The following MYO1D variants were observed in gnomAD, a reference collection of about 807,000 sequenced individuals.
MYO1D encodes the protein unconventional myosin-Id.
In MYO1D, 83 loss-of-function variants were observed where a neutral mutation model predicts 122.0. That is an observed-to-expected ratio of 0.68 (90% CI 0.57 to 0.82). MYO1D has a LOEUF of 0.82. MYO1D is among the 40% of genes least tolerant of loss of function. The pLI, the probability that MYO1D is intolerant of heterozygous loss-of-function variation, is 0.00. For synonymous variants in MYO1D, 464 were observed against 446.9 expected (o/e 1.04, Z -0.48); for missense variants, 1,157 against 1,269.5 (o/e 0.91, Z 1.35).
intron 1 of MYO1D, among the ~76,000 whole-genome samples, chr17:32,783,676 C>T (rs1435673658): frequency 1.3e-5 from 2 of 152,210 alleles, no homozygotes; most frequent in Non-Finnish European, 2.9e-5. Flanking sequence ...ACAAAACTTT[C>T]AATTTGGTTG....
intron 19 of MYO1D, among the ~76,000 whole-genome samples, chr17:32,647,300 C>A (rs541598987): frequency 6.6e-6 from 1 of 152,322 alleles, no homozygotes; most frequent in East Asian, 1.9e-4. Flanking sequence ...GAAATCCTAT[C>A]AAGTTTACGC....
chr17:32,655,288 G>C (rs1432262855), intron 17 of MYO1D, among the ~76,000 whole-genome samples: 2 of 152,168 alleles, frequency 1.3e-5, no homozygotes, highest in Admixed American at 1.3e-4. Context: ...TAGGCAGTGG[G>C]GGCACAGTAA....
rs1235298317 is a variant in MYO1D at position 32,532,618 on chromosome 17, C to T, written c.2865-37703G>A. Among the ~76,000 whole-genome samples the T allele has an allele frequency of 8.8e-5, 13 of 147,672 alleles. No individual in the cohort carries two copies. The South Asian group carries it at 8.8e-4, about 10-fold the overall frequency. On this transcript the variant is annotated intron_variant, in intron 21 of 21. Transcript: ENST00000318217. ...GGCGGCGCCTGTAGTCCCAGCTACT[C>T]GGGAGGCTGAGGCAGGAGAATGGCG... is the stretch of plus-strand genomic sequence containing the variant.
chr17:32,564,028 G>A (rs1228369506), intron 21 of MYO1D, among the ~76,000 whole-genome samples: 2 of 152,228 alleles, frequency 1.3e-5, no homozygotes, highest in African/African-American at 4.8e-5. Flanking sequence ...TTTATCTGTA[G>A]GGGTCCAGAA....
At chr17:32,869,939 A>G (rs2151092837) in intron 1 of MYO1D, among the ~76,000 whole-genome samples, 1 of 152,244 alleles carries the variant, frequency 6.6e-6, no homozygotes, top group Admixed American at 6.5e-5. Context: ...TCTAAAAAAA[A>G]GAAAAAAGAA....
chr17:32,837,280 T>TA (rs886510679), intron 1 of MYO1D, among the ~76,000 whole-genome samples: 40 of 108,326 alleles, frequency 3.7e-4, no homozygotes, highest in Non-Finnish European at 6.4e-4. Flanking sequence ...CTGGGCTGTT[T>TA]GTCTTTTTTT....
chr17:32,704,916 T>A (rs1207183540), intron 16 of MYO1D, among the ~76,000 whole-genome samples: 1 of 152,130 alleles, frequency 6.6e-6, no homozygotes, highest in Non-Finnish European at 1.5e-5. Context: ...TAACATATTT[T>A]AAATAATATA....
At chr17:32,580,289 ATTTTTTTTTTTTTTTT>A (rs71144843) in intron 21 of MYO1D, among the ~76,000 whole-genome samples, 137 of 39,142 alleles carry the variant, frequency 3.5e-3, no homozygotes, top group African/African-American at 9.1e-3. Flanking sequence ...TGCTAAGAGG[ATTTTTTTTTTTTTTTT>A]TTTTTTTTTT....
chr17:32,570,525 T>C (rs180764429), intron 21 of MYO1D, among the ~76,000 whole-genome samples: 6 of 152,246 alleles, frequency 3.9e-5, no homozygotes, highest in Admixed American at 3.9e-4. Context: ...CACATTTTTT[T>C]GTATTTTTAG....
chr17:32,607,703 A>G (rs1165438975), intron 20 of MYO1D, among the ~76,000 whole-genome samples: 1 of 152,226 alleles, frequency 6.6e-6, no homozygotes, highest in Non-Finnish European at 1.5e-5. Flanking sequence ...TAGAATAGCC[A>G]TAACAGTTTT....
intron 11 of MYO1D, among the ~76,000 whole-genome samples, chr17:32,751,332 T>C (rs528581115): frequency 6.6e-6 from 1 of 152,268 alleles, no homozygotes; most frequent in South Asian, 2.1e-4. Flanking sequence ...GCATGTGTAA[T>C]AAACAGTTCA....
intron 21 of MYO1D, among the ~76,000 whole-genome samples, chr17:32,525,817 T>C (rs1046429910): frequency 6.6e-6 from 1 of 152,154 alleles, no homozygotes; most frequent in African/African-American, 2.4e-5. Flanking sequence ...TCAGTGACAA[T>C]AGCTAACATG....
chr17:32,534,900 A>G (rs1362489215), intron 21 of MYO1D, among the ~76,000 whole-genome samples: 2 of 152,244 alleles, frequency 1.3e-5, no homozygotes, highest in Non-Finnish European at 2.9e-5. Flanking sequence ...TTCAGTCAAC[A>G]GGGAACAAGA....
rs2090710792 is a variant in MYO1D, at chr17:32,825,270, CTTTTTCT to C, written c.96-44493_96-44487del. Reference sequence around the variant, plus strand: ...ATTATTTCAGGATGATTTTTCATTTCTTTTTCTTTTTTCTTTATCTTATTTTATTTTA... The same window carrying C: ...ATTATTTCAGGATGATTTTTCATTTCTTTTTCTTTATCTTATTTTATTTTA... On this transcript the variant is annotated intron_variant, in intron 1 of 21. Coordinates refer to ENST00000318217, the MANE Select transcript of MYO1D (RefSeq NM_015194.3). 5.9e-5 allele frequency among the ~76,000 whole-genome samples: 9 copies of C among 152,088 alleles called. No individual in the cohort carries two copies. In the South Asian group the frequency reaches 1.9e-3, roughly 32 times the overall value.
At chr17:32,691,839 AC>A (rs1018937328) in intron 16 of MYO1D, among the ~76,000 whole-genome samples, 2 of 152,090 alleles carry the variant, frequency 1.3e-5, no homozygotes, top group African/African-American at 4.8e-5. Context: ...TTGCCAAACT[AC>A]CCCTCCAGAA....
At chr17:32,700,709 C>A (rs775169483) in intron 16 of MYO1D, among the ~76,000 whole-genome samples, 2 of 151,850 alleles carry the variant, frequency 1.3e-5, no homozygotes, top group Non-Finnish European at 2.9e-5. Flanking sequence ...TTTGGGAGGC[C>A]AAAGCAGGTG....
intron 1 of MYO1D, among the ~76,000 whole-genome samples, chr17:32,835,575 C>T (rs2090814502): frequency 6.6e-6 from 1 of 152,178 alleles, no homozygotes; most frequent in African/African-American, 2.4e-5. Context: ...TAGGTTCTAC[C>T]TACTGTTACT....
At chr17:32,547,431 G>A (rs539277461) in intron 21 of MYO1D, among the ~76,000 whole-genome samples, 13 of 152,348 alleles carry the variant, frequency 8.5e-5, no homozygotes, top group African/African-American at 2.9e-4. Context: ...GAGGCTCTAA[G>A]TTAGGTAAAT....
chr17:32,870,132 A>T (rs2091166252), intron 1 of MYO1D, among the ~76,000 whole-genome samples: 1 of 152,182 alleles, frequency 6.6e-6, no homozygotes, highest in African/African-American at 2.4e-5. Flanking sequence ...ACCAGGCGGC[A>T]GGGTGATTCA....
Sources: allele counts gnomAD v4.1 joint callset (sites outside exome capture counted in the v4.1 genomes callset), GRCh38; gene constraint gnomAD v4.1.1; transcripts MANE v1.5; gene names NCBI Gene and HGNC (gene_info 2026-07-23, HGNC 2026-07-21).